Variants in RIMS2 observed in about 807,000 individuals in gnomAD.
The protein encoded by RIMS2 is regulating synaptic membrane exocytosis 2, also known as regulating synaptic membrane exocytosis protein 2.
A neutral mutation model predicts 174.4 loss-of-function variants in RIMS2; 59 were observed. The ratio of observed to expected loss-of-function variants is 0.34; its 90% CI spans 0.27 to 0.42. The LOEUF is 0.42. Ranked by LOEUF, RIMS2 falls within the 10% of genes least tolerant of loss-of-function variation. The probability of loss-of-function intolerance (pLI) is 1.00; values close to 1 mark genes in which losing one functional copy is unlikely to be tolerated. For synonymous variants in RIMS2, 606 were observed against 572.5 expected (o/e 1.06, Z -0.84); for missense variants, 1,620 against 1,666.3 (o/e 0.97, Z 0.48).
intron 1 of RIMS2, among the ~76,000 whole-genome samples, chr8:103,530,881 G>A (rs1563662796): frequency 6.6e-6 from 1 of 151,988 alleles, no homozygotes; most frequent in Non-Finnish European, 1.5e-5. Context: ...TTCTTGCTTT[G>A]AAGTGCTGGT....
At chr8:104,152,175 G>A (rs184867256) in intron 19 of RIMS2, among the ~76,000 whole-genome samples, 129 of 152,282 alleles carry the variant, frequency 8.5e-4, no homozygotes, top group African/African-American at 2.9e-3. Context: ...GATGTTGGCA[G>A]ATTTAAGAAA....
intron 3 of RIMS2, among the ~76,000 whole-genome samples, chr8:103,797,968 T>C (rs2098563451): frequency 1.3e-5 from 2 of 152,174 alleles, no homozygotes; most frequent in Non-Finnish European, 2.9e-5. Flanking sequence ...CTTCCTATTC[T>C]TCTTTGAGGC....
At chr8:103,786,795 T>C (rs1471272798) in intron 3 of RIMS2, among the ~76,000 whole-genome samples, 1 of 152,210 alleles carries the variant, frequency 6.6e-6, no homozygotes, top group Non-Finnish European at 1.5e-5. Context: ...GTCCGCTTGG[T>C]GCAGAGCTGA....
At chr8:103,870,003 G>C (rs2099102759) in intron 3 of RIMS2, among the ~76,000 whole-genome samples, 2 of 151,990 alleles carry the variant, frequency 1.3e-5, no homozygotes, top group South Asian at 4.2e-4. Context: ...TTTTTCCTTT[G>C]TTCTATAATA....
At chr8:103,523,316 T>C (rs1832591215) in intron 1 of RIMS2, among the ~76,000 whole-genome samples, 1 of 152,092 alleles carries the variant, frequency 6.6e-6, no homozygotes, top group South Asian at 2.1e-4. Flanking sequence ...ACCTATTATT[T>C]GCCTAGGAAA....
chr8:103,606,519 G>T (rs1454746619), intron 1 of RIMS2, among the ~76,000 whole-genome samples: 1 of 152,156 alleles, frequency 6.6e-6, no homozygotes, highest in African/African-American at 2.4e-5. Context: ...TATTAGGTCT[G>T]CTTGGTGCAG....
intron 19 of RIMS2, among the ~76,000 whole-genome samples, chr8:104,084,689 T>C (rs542649723): frequency 6.6e-6 from 1 of 152,234 alleles, no homozygotes; most frequent in African/African-American, 2.4e-5. Flanking sequence ...TGATGGTGAA[T>C]ATTTAGTATC....
intron 19 of RIMS2, among the ~76,000 whole-genome samples, chr8:104,233,114 A>G (rs543199303): frequency 6.6e-6 from 1 of 152,322 alleles, no homozygotes; most frequent in African/African-American, 2.4e-5. Context: ...AATCTAAGGT[A>G]AAGAAGATGG....
At chr8:103,996,691 G>A (rs1414963481) in intron 17 of RIMS2, among the ~76,000 whole-genome samples, 2 of 151,758 alleles carry the variant, frequency 1.3e-5, no homozygotes, top group Non-Finnish European at 3.0e-5. Flanking sequence ...AATTAAGAAA[G>A]CCCTGAGTTT....
chr8:103,923,267 G>A (rs2078072972), intron 10 of RIMS2, among the ~76,000 whole-genome samples: 1 of 151,840 alleles, frequency 6.6e-6, no homozygotes, highest in African/African-American at 2.4e-5. Flanking sequence ...AAAACTGTGT[G>A]TGTGTGTGCG....
intron 19 of RIMS2, among the ~76,000 whole-genome samples, chr8:104,170,144 G>A (rs1016011132): frequency 4.6e-5 from 7 of 152,106 alleles, no homozygotes; most frequent in Admixed American, 1.3e-4. Flanking sequence ...TTCTCCAATT[G>A]TTGGGAAACA....
chr8:103,886,696 A>G (rs2099204184), intron 4 of RIMS2, among the ~76,000 whole-genome samples: 1 of 151,360 alleles, frequency 6.6e-6, no homozygotes, highest in Non-Finnish European at 1.5e-5. Context: ...TTTCCTATGC[A>G]TGTATGGTTT....
chr8:104,055,942 T>G (rs1427991708), intron 19 of RIMS2, among the ~76,000 whole-genome samples: 3 of 152,180 alleles, frequency 2.0e-5, no homozygotes, highest in Non-Finnish European at 4.4e-5. Context: ...CTTCCTTTAT[T>G]CCATTTTCTT....
chr8:103,918,176 C>A (rs185550866), intron 8 of RIMS2, among the ~76,000 whole-genome samples: 1 of 152,186 alleles, frequency 6.6e-6, no homozygotes, highest in Admixed American at 6.5e-5. Context: ...TAGTGAGGCA[C>A]ATAGAAAATA....
chr8:103,870,669 A>C (rs1565022606), intron 3 of RIMS2, among the ~76,000 whole-genome samples: 1 of 152,086 alleles, frequency 6.6e-6, no homozygotes, highest in South Asian at 2.1e-4. Flanking sequence ...AAAAAAAAAC[A>C]TAGTTAATGT....
At chr8:104,064,319 C>T (rs530048677) in intron 19 of RIMS2, among the ~76,000 whole-genome samples, 255 of 151,830 alleles carry the variant, frequency 1.7e-3, no homozygotes, top group African/African-American at 5.7e-3. Context: ...GATTTTTTTT[C>T]GTCAGTGGCT....
intron 14 of RIMS2, among the ~76,000 whole-genome samples, chr8:103,945,465 G>A (rs2083490532): frequency 1.3e-5 from 2 of 152,058 alleles, no homozygotes; most frequent in Non-Finnish European, 1.5e-5. Flanking sequence ...TCATACCAAA[G>A]TCAGACAAAC....
intron 3 of RIMS2, among the ~76,000 whole-genome samples, chr8:103,858,683 GT>G (rs1810656474): frequency 6.8e-6 from 1 of 146,300 alleles, no homozygotes; most frequent in African/African-American, 2.5e-5. Context: ...ATACGTGTGT[GT>G]GTATATATAT....
At chr8:103,887,959 C>T (rs1300580317) in intron 4 of RIMS2, among the ~76,000 whole-genome samples, 2 of 151,432 alleles carry the variant, frequency 1.3e-5, no homozygotes, top group African/African-American at 4.8e-5. Flanking sequence ...GAGTTAATAA[C>T]ATTCTAGACA....
Sources: allele counts gnomAD v4.1 joint callset (sites outside exome capture counted in the v4.1 genomes callset), GRCh38; gene constraint gnomAD v4.1.1; transcripts MANE v1.5; gene names NCBI Gene and HGNC (gene_info 2026-07-23, HGNC 2026-07-21).